Variants in FUCA2 observed in about 807,000 individuals in gnomAD.
The protein encoded by FUCA2 is plasma alpha-L-fucosidase.
FUCA2 carries 41 observed loss-of-function variants against 52.6 expected under a neutral mutation model. The ratio of observed to expected loss-of-function variants is 0.78; its 90% CI spans 0.61 to 1.01. The LOEUF is 1.01. Among genes scored for constraint, FUCA2 ranks in the 50% least tolerant of loss-of-function variants. FUCA2 has a pLI of 0.00. For synonymous variants in FUCA2, 211 were observed against 217.3 expected, an observed-to-expected ratio of 0.97 and a Z score of 0.26; for missense variants, 507 against 569.5, an observed-to-expected ratio of 0.89 and a Z score of 1.12.
At chr6:143,498,182 T>C (rs1370934038) in intron 5 of FUCA2, among the ~76,000 whole-genome samples, 1 of 149,404 alleles carries the variant, frequency 6.7e-6, no homozygotes, top group African/African-American at 2.5e-5. Context: ...AAAAAAAAAG[T>C]GGATTTCATT....
In FUCA2 at chr6:143,504,601, T is replaced by G; in HGVS notation, c.413-349A>C. ...TCCAGCCAACTGCTAGCACAAGGTA[T>G]AAACAATCAACAATAGCAGCTCACA... On this transcript the variant is annotated intron_variant, in intron 2 of 6. Transcript: ENST00000002165. This position sits in a 1 kb window ranked among gnomAD's most constrained non-coding sequence, Gnocchi z 4.4. 1 of 200,448 alleles carries G rather than the reference T, an allele frequency of 5.0e-6. No individual in the cohort carries two copies. Among genetic ancestry groups the G allele is most frequent in the Non-Finnish European group, 1.0e-5 (1 of 98,962 alleles). 12.4% of individuals were successfully genotyped at this position (200,448 alleles called of 1,614,324 possible).
Position 143,503,643 on chromosome 6 carries a change from A to G in FUCA2, c.752+270T>C, listed in dbSNP as rs1780560884. On this transcript the variant is annotated intron_variant, in intron 3 of 6. Coordinates refer to ENST00000002165, the MANE Select transcript of FUCA2 (RefSeq NM_032020.5). This position sits in a 1 kb window ranked among gnomAD's most constrained non-coding sequence, Gnocchi z 4.8. ...GGTAGGAGAGAAAAAGGGGGGACCC[A>G]CAAAATTAACACCTTCAAAGTTCTT... 1 of 346,440 alleles carries G rather than the reference A, an allele frequency of 2.9e-6. No homozygotes were observed. The highest frequency in any genetic ancestry group is 4.4e-5 in the Admixed American group (1 of 22,494). The allele number at this position is 346,440 out of a possible 1,614,324, so 21.5% of individuals were successfully genotyped here.
rs529328540 is a variant in FUCA2 at position 143,499,668 on chromosome 6, A to G, written c.1155-2171T>C. Among the ~76,000 whole-genome samples the G allele has an allele frequency of 6.6e-6, 1 of 152,350 alleles. No homozygotes were observed. Among genetic ancestry groups the G allele is most frequent in the South Asian group, 2.1e-4 (1 of 4,830 alleles). On this transcript the variant is annotated intron_variant, in intron 5 of 6. Transcript: ENST00000002165. The surrounding 1 kb of genome is among the most constrained non-coding windows in gnomAD (Gnocchi z 6.0). ...AGGTACGACAAACACCAGGAGAGACAGTGATAAACTGAGGCAGACACTGCC... is the reference window on the plus strand; with the variant it reads ...AGGTACGACAAACACCAGGAGAGACGGTGATAAACTGAGGCAGACACTGCC...
chr6:143,495,719 A>T lies in FUCA2; in HGVS notation c.1392T>A (p.Thr464=). Residue 464 remains threonine (T), a synonymous_variant, in exon 7 of 7, where the codon ACT becomes ACA. Transcript: ENST00000002165. The surrounding 1 kb of genome is among the most constrained non-coding windows in gnomAD (Gnocchi z 5.2). The part of the protein sequence containing the change: ...PCKWGWALAL[T]NVI ...ACTCTGCTGCACTTTAGATCACATT[A>T]GTCAGGGCTAGAGCCCAGCCCCATT... The T allele has an allele frequency of 6.2e-7, 1 of 1,613,874 alleles. No individual in the cohort carries two copies. The highest frequency in any genetic ancestry group is 8.5e-7 in the Non-Finnish European group (1 of 1,179,850).
Position 143,495,066 on chromosome 6 carries a change from T to G in FUCA2, c.*641A>C, listed in dbSNP as rs1780437217. On this transcript the variant is annotated 3_prime_UTR_variant, in exon 7 of 7. Coordinates refer to ENST00000002165, the MANE Select transcript of FUCA2 (RefSeq NM_032020.5). The surrounding 1 kb of genome is among the most constrained non-coding windows in gnomAD (Gnocchi z 5.2). ...CAGAGCAACTTCCAGTCCTGTAAGC[T>G]CCATTCGTGGTAAGTGCCCTATACA... The G allele has an allele frequency of 6.5e-6, 1 of 153,004 alleles. No individual in the cohort carries two copies. The highest frequency in any genetic ancestry group is 2.4e-5 in the African/African-American group (1 of 41,452). The allele number at this position is 153,004 out of a possible 1,614,324, so 9.5% of individuals were successfully genotyped here.
At position 143,511,620 on chromosome 6, in the gene FUCA2, C is replaced by T. The variant is rs1247121397; in HGVS notation, c.15G>A (p.Glu5=). 9.2e-6 allele frequency: 14 copies of T among 1,528,822 alleles called. No individual in the cohort carries two copies. The East Asian group carries it at 3.0e-4, about 33-fold the overall frequency. The allele number at this position is 1,528,822 out of a possible 1,614,324, so 94.7% of individuals were successfully genotyped here. A position where few individuals can be genotyped will look rare whatever the true frequency, so the allele number is the denominator to read the frequency against. MRPQ[E]LPRLAFPLLL... is the part of the protein sequence containing the mutation. ...GCAACGGGAACGCGAGCCTGGGGAG[C>T]TCCTGGGGCCGCATGTCCCGGCGCA... The change falls in exon 1 of 7, where the codon GAG becomes GAA. Residue 5 remains glutamate, a synonymous_variant. Coordinates refer to ENST00000002165, the MANE Select transcript of FUCA2 (RefSeq NM_032020.5). This position sits in a 1 kb window ranked among gnomAD's most constrained non-coding sequence, Gnocchi z 6.3.
rs1479617938 is a variant in FUCA2, at chr6:143,497,687, T to C, written c.1155-190A>G. ...TTCCTCCCCCAAGACCAAAAGGAAG[T>C]TCTTGGAAGACAAAGATTTTCCTGA... On this transcript the variant is annotated intron_variant, in intron 5 of 6. Transcript: ENST00000002165. The surrounding 1 kb of genome is among the most constrained non-coding windows in gnomAD (Gnocchi z 5.3). Among the ~76,000 whole-genome samples, 1 of 152,134 alleles carries C rather than the reference T, an allele frequency of 6.6e-6. No individual in the cohort carries two copies. The highest frequency in any genetic ancestry group is 2.4e-5 in the African/African-American group (1 of 41,438).
At chr6:143,496,555 T>G (rs1249712425) in intron 6 of FUCA2, 2 of 152,224 alleles carry the variant, frequency 1.3e-5, no homozygotes, top group East Asian at 3.8e-4. Context: ...AGAAAAGTGA[T>G]GCAAGGAGAA....
Position 143,500,068 on chromosome 6 carries a change from G to A in FUCA2, c.1154+1864C>T, listed in dbSNP as rs537514004. ...TCTGGGTGCGTGTGTGTGTGTGTGT[G>A]TTTCCATAGTTAACAGTTAGCTGTC... On this transcript the variant is annotated intron_variant, in intron 5 of 6. Transcript: ENST00000002165. The surrounding 1 kb of genome is among the most constrained non-coding windows in gnomAD (Gnocchi z 6.9). Among the ~76,000 whole-genome samples the A allele has an allele frequency of 2.1e-3, 314 of 152,148 alleles. No individual in the cohort carries two copies. The highest frequency in any genetic ancestry group is 7.0e-3 in the African/African-American group (292 of 41,526).
Position 143,497,670 on chromosome 6 carries a change from C to G in FUCA2, c.1155-173G>C, listed in dbSNP as rs892797781. ...TGGTATAAAAAAACACCTTCCTCCC[C>G]CAAGACCAAAAGGAAGTTCTTGGAA... On this transcript the variant is annotated intron_variant, in intron 5 of 6. Transcript: ENST00000002165. The surrounding 1 kb of genome is among the most constrained non-coding windows in gnomAD (Gnocchi z 5.3). Among the ~76,000 whole-genome samples, 1 of 152,162 alleles carries G rather than the reference C, an allele frequency of 6.6e-6. No homozygotes were observed. The highest frequency in any genetic ancestry group is 2.4e-5 in the African/African-American group (1 of 41,438).
In FUCA2 at chr6:143,502,536, T is replaced by C. The variant is rs1780543634; in HGVS notation, c.782A>G (p.Asp261Gly). The C allele has an allele frequency of 6.2e-7, 1 of 1,613,940 alleles. No individual in the cohort carries two copies. The highest frequency in any genetic ancestry group is 1.3e-5 in the African/African-American group (1 of 74,912). The change falls in exon 4 of 7, where the codon GAT becomes GGT. Residue 261 changes from aspartate (D) to glycine (G), a missense_variant. Physicochemically the swap from Asp to Gly is moderately conservative, Grantham distance 94. Coordinates refer to ENST00000002165, the MANE Select transcript of FUCA2 (RefSeq NM_032020.5). This position sits in a 1 kb window ranked among gnomAD's most constrained non-coding sequence, Gnocchi z 4.1. ...SPVRGTVVTN[D>G]RWGAGSICKH... The stretch of plus-strand genomic sequence containing the variant: ...ACAGATGCTACCAGCTCCCCAACGA[T>C]CATTGGTGACTACTGTGCCCCGAAC...
At position 143,504,763 on chromosome 6, in the gene FUCA2, ATTGT is replaced by A. The variant is rs1245477331; in HGVS notation, c.413-515_413-512del. On this transcript the variant is annotated intron_variant, in intron 2 of 6. Coordinates refer to ENST00000002165, the MANE Select transcript of FUCA2 (RefSeq NM_032020.5). This position sits in a 1 kb window ranked among gnomAD's most constrained non-coding sequence, Gnocchi z 4.4. ...TTGAAGTCTACTGCTTAGTTTTAGG[ATTGT>A]TTATTTTATTATAGTGTGATTCTTA... The A allele has an allele frequency of 2.0e-5, 3 of 152,990 alleles. No homozygotes were observed. Among genetic ancestry groups the A allele is most frequent in the East Asian group, 1.9e-4 (1 of 5,192 alleles). 9.5% of individuals were successfully genotyped at this position (152,990 alleles called of 1,614,324 possible).
At position 143,501,964 on chromosome 6, in the gene FUCA2, TCGCCAG is replaced by T; in HGVS notation, c.1116_1121del (p.Trp373_Arg374del). On this transcript the variant is annotated inframe_deletion, in exon 5 of 7. Transcript: ENST00000002165. This position sits in a 1 kb window ranked among gnomAD's most constrained non-coding sequence, Gnocchi z 6.1. ...CTGGGGTGACAGTGTCATTCTGGGA[TCGCCAG>T]GTATGGGTTTCATAAATAGCTTCTC... 6.2e-7 allele frequency: 1 copy of T among 1,613,856 alleles called. No homozygotes were observed. The highest frequency in any genetic ancestry group is 8.5e-7 in the Non-Finnish European group (1 of 1,179,860).
At chr6:143,498,655 T>C (rs1217255288) in intron 5 of FUCA2, among the ~76,000 whole-genome samples, 2 of 152,134 alleles carry the variant, frequency 1.3e-5, no homozygotes, top group African/African-American at 2.4e-5. Flanking sequence ...AGAGAGGCGA[T>C]AGGAGCCAGA....
rs1328118798 is a variant in FUCA2, at chr6:143,502,546, C to CTA, written c.770_771dup (p.Val258Ter). On this transcript the variant is annotated frameshift_variant, in exon 4 of 7. Transcript: ENST00000002165. LOFTEE classifies it high-confidence loss of function. This position sits in a 1 kb window ranked among gnomAD's most constrained non-coding sequence, Gnocchi z 4.1. ...CCAGCTCCCCAACGATCATTGGTGA[C>CTA]TACTGTGCCCCGAACTGGGCTGAAA... The CTA allele has an allele frequency of 6.2e-7, 1 of 1,614,042 alleles. No individual in the cohort carries two copies. Among genetic ancestry groups the CTA allele is most frequent in the Admixed American group, 1.7e-5 (1 of 60,012 alleles).
chr6:143,507,210 C>T lies in FUCA2; in HGVS notation c.412+27G>A. The T allele has an allele frequency of 1.3e-6, 2 of 1,545,384 alleles. No individual in the cohort carries two copies. The highest frequency in any genetic ancestry group is 1.7e-6 in the Non-Finnish European group (2 of 1,152,920). On this transcript the variant is annotated intron_variant, in intron 2 of 6. Coordinates refer to ENST00000002165, the MANE Select transcript of FUCA2 (RefSeq NM_032020.5). This position sits in a 1 kb window ranked among gnomAD's most constrained non-coding sequence, Gnocchi z 4.5. Reference sequence around the variant, plus strand: ...CTTTTCATTTCTTAACCATTGTCAGCAATTTCCATAGGCTGGATTGACTTA... The same window carrying T: ...CTTTTCATTTCTTAACCATTGTCAGTAATTTCCATAGGCTGGATTGACTTA...
chr6:143,501,837 C>T lies in FUCA2; in HGVS notation c.1154+95G>A. Reference sequence around the variant, plus strand: ...GTGCTTTGTATATGTAGGAATTCATCCAATTTCTCTTTTTATCCTACTCTT... The same window carrying T: ...GTGCTTTGTATATGTAGGAATTCATTCAATTTCTCTTTTTATCCTACTCTT... On this transcript the variant is annotated intron_variant, in intron 5 of 6. Coordinates refer to ENST00000002165, the MANE Select transcript of FUCA2 (RefSeq NM_032020.5). This position sits in a 1 kb window ranked among gnomAD's most constrained non-coding sequence, Gnocchi z 6.1. The T allele has an allele frequency of 9.0e-7, 1 of 1,113,232 alleles. No homozygotes were observed. Among genetic ancestry groups the T allele is most frequent in the Non-Finnish European group, 1.3e-6 (1 of 783,178 alleles). The allele number at this position is 1,113,232 out of a possible 1,614,324, so 69.0% of individuals were successfully genotyped here. A position where few individuals can be genotyped will look rare whatever the true frequency, so the allele number is the denominator to read the frequency against.
At position 143,502,964 on chromosome 6, in the gene FUCA2, T is replaced by A. The variant is rs1363294376; in HGVS notation, c.753-399A>T. ...ATACCCAAGACACTTTTCTTTTCAA[T>A]GATTCAATGATCTCATACATGTAGT... On this transcript the variant is annotated intron_variant, in intron 3 of 6. Coordinates refer to ENST00000002165, the MANE Select transcript of FUCA2 (RefSeq NM_032020.5). This position sits in a 1 kb window ranked among gnomAD's most constrained non-coding sequence, Gnocchi z 4.1. 6.0e-6 allele frequency: 1 copy of A among 166,054 alleles called. No homozygotes were observed. The highest frequency in any genetic ancestry group is 1.3e-5 in the Non-Finnish European group (1 of 75,464). 10.3% of individuals were successfully genotyped at this position (166,054 alleles called of 1,614,324 possible).
At position 143,503,366 on chromosome 6, in the gene FUCA2, G is replaced by A. The variant is rs1780556171; in HGVS notation, c.752+547C>T. The A allele has an allele frequency of 6.5e-6, 1 of 153,112 alleles. No individual in the cohort carries two copies. The highest frequency in any genetic ancestry group is 6.5e-5 in the Admixed American group (1 of 15,418). The allele number at this position is 153,112 out of a possible 1,614,324, so 9.5% of individuals were successfully genotyped here. ...CATATAGTTTAAGCCTAATGGAGGA[G>A]TTTAATCAGAACTCCCTGTTCTAAT... On this transcript the variant is annotated intron_variant, in intron 3 of 6. Coordinates refer to ENST00000002165, the MANE Select transcript of FUCA2 (RefSeq NM_032020.5). The surrounding 1 kb of genome is among the most constrained non-coding windows in gnomAD (Gnocchi z 4.8).
Sources: gnomAD v4.1 joint callset for allele counts (sites outside exome capture counted in the v4.1 genomes callset) on GRCh38, gnomAD v4.1.1 for gene constraint, Gnocchi (gnomAD v3.1) non-coding constraint, MANE v1.5 for transcripts, NCBI Gene and HGNC (gene_info 2026-07-23, HGNC 2026-07-21) for gene names.